The following LYG2 variants were observed in gnomAD, a reference collection of about 807,000 sequenced individuals.
LYG2 encodes the protein lysozyme g-like protein 2.
Under a neutral mutation model 22.4 loss-of-function variants are expected in LYG2, and 25 were observed. The observed-to-expected ratio is 1.12, with a 90% confidence interval of 0.81 to 1.56. The LOEUF is 1.56. LYG2 is among the 40% of genes most tolerant of loss of function. LYG2 has a pLI of 0.00. For synonymous variants in LYG2, 88 were observed against 97.0 expected, an observed-to-expected ratio of 0.91 and a Z score of 0.55; for missense variants, 266 against 269.5, an observed-to-expected ratio of 0.99 and a Z score of 0.09.
intron 3 of LYG2, among the ~76,000 whole-genome samples, chr2:99,250,855 A>G (rs759285626): frequency 1.3e-5 from 2 of 152,254 alleles, no homozygotes; most frequent in African/African-American, 4.8e-5. Flanking sequence ...TCATTAATTT[A>G]GGGACTGGTT....
intron 6 of LYG2, chr2:99,243,692 G>C: frequency 2.7e-6 from 1 of 365,590 alleles, no homozygotes; most frequent in South Asian, 4.2e-5. Flanking sequence ...ACCATGCCCA[G>C]CTTTTTTTTT....
At chr2:99,261,295 A>G in the LYG2 span, among the ~76,000 whole-genome samples, 1 of 152,136 alleles carries the variant, frequency 6.6e-6, no homozygotes, top group African/African-American at 2.4e-5. Flanking sequence ...CAGTGGGAAG[A>G]TTTAAGCTTA....
At chr2:99,245,545 A>T in intron 4 of LYG2, 87 bp from the exon 5 acceptor site, 1 of 736,374 alleles carries the variant, frequency 1.4e-6, no homozygotes, top group Non-Finnish European at 2.0e-6. Context: ...CTGAAACAGG[A>T]GGATTGCTTG....
At chr2:99,258,021 A>G (rs983587151), upstream of LYG2, among the ~76,000 whole-genome samples, 8 of 152,192 alleles carry the variant, frequency 5.3e-5, no homozygotes, top group Non-Finnish European at 8.8e-5. Flanking sequence ...TTTGGGAGTT[A>G]AAGGAATCCA....
At chr2:99,243,117 G>A (rs894895293) in intron 6 of LYG2, among the ~76,000 whole-genome samples, 17 of 152,196 alleles carry the variant, frequency 1.1e-4, no homozygotes, top group Admixed American at 8.5e-4. Context: ...CCGTTAGAGT[G>A]TGGAGGACAT....
intron 3 of LYG2, among the ~76,000 whole-genome samples, chr2:99,250,501 AG>A (rs1277743113): frequency 6.7e-6 from 1 of 148,344 alleles, no homozygotes; most frequent in Admixed American, 6.9e-5. Flanking sequence ...CAGCCTCCCC[AG>A]CAGCTGGGAC....
intron 3 of LYG2, 102 bp from the exon 4 acceptor site, chr2:99,246,922 A>G: frequency 9.5e-7 from 1 of 1,050,256 alleles, no homozygotes; most frequent in African/African-American, 1.6e-5. Flanking sequence ...CACAGACAGA[A>G]CTCCCCAACT....
chr2:99,249,645 C>G (rs2094022725), intron 3 of LYG2, among the ~76,000 whole-genome samples: 1 of 150,934 alleles, frequency 6.6e-6, no homozygotes, highest in Non-Finnish European at 1.5e-5. Context: ...CCTGTAATCC[C>G]AGCTACTCGG....
upstream of LYG2, among the ~76,000 whole-genome samples, chr2:99,258,198 G>A (rs1476049220): frequency 2.0e-5 from 3 of 152,190 alleles, no homozygotes; most frequent in Non-Finnish European, 4.4e-5. Flanking sequence ...GATGACCATA[G>A]CCAACTCATT....
At chr2:99,259,086 T>A (rs898987670), upstream of LYG2, among the ~76,000 whole-genome samples, 4 of 152,106 alleles carry the variant, frequency 2.6e-5, no homozygotes, top group Non-Finnish European at 4.4e-5. Flanking sequence ...AAAACAGAAC[T>A]CTCATACATT....
At chr2:99,243,646 CTGGCT>C in intron 6 of LYG2, 1 of 688,472 alleles carries the variant, frequency 1.5e-6, no homozygotes, top group Non-Finnish European at 2.3e-6. Context: ...AGCAATCCTC[CTGGCT>C]TAGCCTCCTG....
chr2:99,243,913 A>C, intron 6 of LYG2, 86 bp downstream of exon 6: 2 of 1,520,644 alleles, frequency 1.3e-6, no homozygotes, highest in Non-Finnish European at 9.1e-7. Flanking sequence ...CCCCGTGGAA[A>C]TGCTCCCAGG....
At position 99,254,221 on chromosome 2, in the gene LYG2, T is replaced by G. The variant is rs115679988; in HGVS notation, c.40A>C (p.Ile14Leu). 1.4e-3 allele frequency: 2,187 copies of G among 1,613,970 alleles called. 25 individuals carry two copies. The African/African-American group carries it at 0.022, about 16-fold the overall frequency. The stretch of plus-strand genomic sequence containing the variant: ...TAAATCTCAGCCAGTGACTTACCAA[T>G]GAGGGCAATTAGTCCCCAAAACACC... ...SVVFWGLIALIGTSRGSYPFS... is the reference protein window; with the variant it reads ...SVVFWGLIALLGTSRGSYPFS... Residue 14 changes from isoleucine (I) to leucine (L), a missense_variant, in exon 3 of 7, where the codon ATT (isoleucine) becomes CTT (leucine). By Grantham distance (5) the Ile-to-Leu change is conservative. Coordinates refer to ENST00000333017, the MANE Select transcript of LYG2 (RefSeq NM_175735.4).
intron 4 of LYG2, among the ~76,000 whole-genome samples, chr2:99,246,088 AC>A (rs1311260838): frequency 6.6e-6 from 1 of 152,204 alleles, no homozygotes; most frequent in Non-Finnish European, 1.5e-5. Flanking sequence ...AGCCTGGGTG[AC>A]AAAGCAAGAC....
upstream of LYG2, among the ~76,000 whole-genome samples, chr2:99,257,722 C>T (rs763054757): frequency 6.6e-6 from 1 of 152,210 alleles, no homozygotes; most frequent in African/African-American, 2.4e-5. Context: ...CTCTTCAGTG[C>T]AGCAATTCTC....
At chr2:99,246,611 G>C in intron 4 of LYG2, 69 bp downstream of exon 4, 1 of 1,543,444 alleles carries the variant, frequency 6.5e-7, no homozygotes. Flanking sequence ...AAAATTAAGT[G>C]ACTTCCTAAG....
At chr2:99,253,240 C>T (rs2094030488) in intron 3 of LYG2, among the ~76,000 whole-genome samples, 1 of 151,964 alleles carries the variant, frequency 6.6e-6, no homozygotes, top group African/African-American at 2.4e-5. Context: ...CCTGTGTAGG[C>T]CTTATAAACA....
chr2:99,255,351 G>A (rs1309408901), intron 1 of LYG2: 2 of 152,030 alleles, frequency 1.3e-5, no homozygotes, highest in African/African-American at 2.4e-5. Flanking sequence ...ACCTCATTAG[G>A]CCTGGTTATA....
intron 3 of LYG2, among the ~76,000 whole-genome samples, chr2:99,248,120 T>G (rs2094019507): frequency 6.6e-6 from 1 of 151,738 alleles, no homozygotes. Context: ...AGGAACACTT[T>G]TACACTGTTG....
Sources: gnomAD v4.1 joint callset for allele counts (sites outside exome capture counted in the v4.1 genomes callset) on GRCh38, gnomAD v4.1.1 for gene constraint, MANE v1.5 for transcripts, NCBI Gene and HGNC (gene_info 2026-07-23, HGNC 2026-07-21) for gene names.